Variants in CDH23 observed in about 807,000 individuals in gnomAD.
CDH23 encodes cadherin related 23.
A neutral mutation model predicts 317.1 loss-of-function variants in CDH23; 189 were observed. That is an observed-to-expected ratio of 0.60 (90% CI 0.53 to 0.67). CDH23 has a LOEUF of 0.67. Ranked by LOEUF, CDH23 falls within the 30% of genes least tolerant of loss-of-function variation. The pLI is 0.00. For synonymous variants in CDH23, 1,839 were observed against 1,876.8 expected (o/e 0.98, Z 0.52); for missense variants, 4,401 against 4,592.4 (o/e 0.96, Z 1.20).
chr10:71,624,019 A>G (rs1861592310), intron 11 of CDH23, among the ~76,000 whole-genome samples: 1 of 152,176 alleles, frequency 6.6e-6, no homozygotes, highest in Non-Finnish European at 1.5e-5. Flanking sequence ...CTGGAAAACA[A>G]TGAGTTGGGC....
chr10:71,763,958 A>G (rs1840464255), intron 38 of CDH23, among the ~76,000 whole-genome samples: 1 of 152,224 alleles, frequency 6.6e-6, no homozygotes, highest in South Asian at 2.1e-4. Context: ...CCCAAACGGC[A>G]TGTCTGCAAG....
chr10:71,602,200 C>T (rs1860268504), intron 9 of CDH23, among the ~76,000 whole-genome samples: 1 of 151,710 alleles, frequency 6.6e-6, no homozygotes, highest in African/African-American at 2.4e-5. Flanking sequence ...AAGTCATTCA[C>T]TCTGGAACTT....
chr10:71,621,421 A>G (rs1861461223), intron 11 of CDH23, among the ~76,000 whole-genome samples: 1 of 152,220 alleles, frequency 6.6e-6, no homozygotes, highest in Non-Finnish European at 1.5e-5. Flanking sequence ...TGAATGGTGC[A>G]CGGGGGTGGG....
chr10:71,731,118 C>T (rs531184771), intron 31 of CDH23, among the ~76,000 whole-genome samples: 2 of 152,238 alleles, frequency 1.3e-5, no homozygotes, highest in South Asian at 2.1e-4. Context: ...GCCCCAGAGG[C>T]GGCCACAGCC....
chr10:71,476,764 C>T (rs1564604739), intron 3 of CDH23, among the ~76,000 whole-genome samples: 1 of 152,190 alleles, frequency 6.6e-6, no homozygotes, highest in Non-Finnish European at 1.5e-5. Flanking sequence ...TCACCCTGGA[C>T]ATTGCCAGGA....
chr10:71,542,487 G>T (rs942174158), intron 6 of CDH23, among the ~76,000 whole-genome samples: 4 of 152,148 alleles, frequency 2.6e-5, no homozygotes, highest in African/African-American at 9.6e-5. Context: ...TGCCACCTCC[G>T]ATGGCAGGAC....
At chr10:71,743,683 G>T (rs1388807962) in intron 38 of CDH23, among the ~76,000 whole-genome samples, 6 of 152,164 alleles carry the variant, frequency 3.9e-5, no homozygotes, top group Non-Finnish European at 8.8e-5. Flanking sequence ...GTTAACGTGG[G>T]AGGACCCAGT....
chr10:71,573,594 C>T (rs2132385040), intron 8 of CDH23, among the ~76,000 whole-genome samples: 1 of 152,338 alleles, frequency 6.6e-6, no homozygotes, highest in East Asian at 1.9e-4. Context: ...TTGGCATATG[C>T]TGTGATTCTC....
chr10:71,693,512 G>A (rs962502794), intron 20 of CDH23, among the ~76,000 whole-genome samples: 2 of 152,208 alleles, frequency 1.3e-5, no homozygotes, highest in African/African-American at 2.4e-5. Context: ...ATCAATGCAC[G>A]ATAAGGTTGG....
intron 21 of CDH23, 35 bp downstream of exon 21, chr10:71,694,294 C>A: frequency 6.5e-7 from 1 of 1,531,800 alleles, no homozygotes; most frequent in Non-Finnish European, 9.0e-7. Context: ...CCAGCTCCCC[C>A]TCGCCGGCCA....
intron 1 of CDH23, among the ~76,000 whole-genome samples, chr10:71,424,896 G>T (rs928538936): frequency 6.6e-5 from 10 of 152,192 alleles, no homozygotes; most frequent in African/African-American, 9.7e-5. Context: ...GCTCAGGGAA[G>T]GCTCCTCAGT....
chr10:71,599,390 T>C (rs1860068696), intron 9 of CDH23, among the ~76,000 whole-genome samples: 1 of 152,174 alleles, frequency 6.6e-6, no homozygotes, highest in Non-Finnish European at 1.5e-5. Flanking sequence ...GTGTCTTAGG[T>C]GACATTGAGG....
At chr10:71,650,089 G>A (rs7893212) in intron 14 of CDH23, among the ~76,000 whole-genome samples, 2,468 of 152,288 alleles carry the variant, frequency 0.016, 56 homozygotes, top group African/African-American at 0.056. Flanking sequence ...TGCTCTCTGC[G>A]GTATCCACAG....
chr10:71,580,741 T>C (rs1363393923), intron 9 of CDH23, among the ~76,000 whole-genome samples: 1 of 152,216 alleles, frequency 6.6e-6, no homozygotes, highest in Non-Finnish European at 1.5e-5. Context: ...GCACCTCACT[T>C]CACCCAAACC....
At chr10:71,481,561 C>A (rs1204737810) in intron 3 of CDH23, among the ~76,000 whole-genome samples, 1 of 152,194 alleles carries the variant, frequency 6.6e-6, no homozygotes, top group Non-Finnish European at 1.5e-5. Flanking sequence ...CCTTCCACAT[C>A]CCTCCCCTTT....
intron 16 of CDH23, 113 bp from the exon 17 acceptor site, chr10:71,679,274 C>CA (rs1864508063): frequency 8.9e-6 from 7 of 790,574 alleles, no homozygotes; most frequent in Middle Eastern, 2.3e-4. Flanking sequence ...CTGGATCACC[C>CA]AAAAAAGGAG....
At chr10:71,649,161 G>A (rs12414776) in intron 14 of CDH23, among the ~76,000 whole-genome samples, 27,376 of 151,618 alleles carry the variant, frequency 0.18, 2,784 homozygotes, top group East Asian at 0.35. Context: ...CCTCCACACC[G>A]CCCTGCCCTG....
chr10:71,738,345 A>T, intron 34 of CDH23, 153 bp from the exon 35 acceptor site: 1 of 839,390 alleles, frequency 1.2e-6, no homozygotes, highest in Non-Finnish European at 1.9e-6. Flanking sequence ...CCTCCTTTGT[A>T]AAGTCAGGAT....
At chr10:71,533,000 G>A (rs894653986) in intron 6 of CDH23, among the ~76,000 whole-genome samples, 1 of 152,150 alleles carries the variant, frequency 6.6e-6, no homozygotes, top group Non-Finnish European at 1.5e-5. Flanking sequence ...TCAAAGTGCT[G>A]GGATTACAGG....
Sources: allele counts gnomAD v4.1 joint callset (sites outside exome capture counted in the v4.1 genomes callset), GRCh38; gene constraint gnomAD v4.1.1; transcripts MANE v1.5; gene names NCBI Gene and HGNC (gene_info 2026-07-23, HGNC 2026-07-21).